The following FRMD3 variants were observed in gnomAD, a reference collection of about 807,000 sequenced individuals.
FRMD3 encodes FERM domain-containing protein 3.
In FRMD3, 33 loss-of-function variants were observed where a neutral mutation model predicts 70.2. That is an observed-to-expected ratio of 0.47 (90% confidence interval 0.36 to 0.63). The LOEUF (loss-of-function observed/expected upper bound fraction) is 0.63. Ranked by LOEUF, FRMD3 falls within the 20% of genes least tolerant of loss-of-function variation. The pLI is 0.00. For synonymous variants in FRMD3, 279 were observed against 255.9 expected (o/e 1.09, Z -0.86); for missense variants, 632 against 711.4 (o/e 0.89, Z 1.27).
chr9:83,521,451 C>T (rs1829569810), intron 1 of FRMD3, among the ~76,000 whole-genome samples: 1 of 152,074 alleles, frequency 6.6e-6, no homozygotes, highest in South Asian at 2.1e-4. Flanking sequence ...GCGCCACTGC[C>T]CTCTAGCCTG....
At chr9:83,351,349 C>CACACACACACAA (rs1400240851) in intron 3 of FRMD3, among the ~76,000 whole-genome samples, 1 of 151,838 alleles carries the variant, frequency 6.6e-6, no homozygotes, top group Non-Finnish European at 1.5e-5. Flanking sequence ...CACACACACA[C>CACACACACACAA]ACACTAGAAC....
intron 1 of FRMD3, among the ~76,000 whole-genome samples, chr9:83,486,935 C>T (rs1828702505): frequency 6.6e-6 from 1 of 152,206 alleles, no homozygotes; most frequent in Non-Finnish European, 1.5e-5. Context: ...CCTGCATTAA[C>T]AGTGACATCT....
intron 6 of FRMD3, among the ~76,000 whole-genome samples, chr9:83,325,489 T>TAA (rs1835976496): frequency 6.6e-6 from 1 of 151,832 alleles, no homozygotes; most frequent in African/African-American, 2.4e-5. Flanking sequence ...TACATCTGGC[T>TAA]AATTTTTGTA....
chr9:83,362,916 C>T (rs1028843895), intron 3 of FRMD3, among the ~76,000 whole-genome samples: 6 of 120,454 alleles, frequency 5.0e-5, no homozygotes, highest in Admixed American at 1.0e-4. Context: ...CCTTTCTTTC[C>T]TCCTTCCTTC....
chr9:83,330,330 AAAAAAAAC>A (rs1465285656), intron 6 of FRMD3, among the ~76,000 whole-genome samples: 2 of 135,954 alleles, frequency 1.5e-5, no homozygotes, highest in Non-Finnish European at 3.3e-5. Flanking sequence ...ATCTCAAAAA[AAAAAAAAC>A]AAAAAAAACA....
At chr9:83,275,257 C>T (rs1302137241) in intron 13 of FRMD3, among the ~76,000 whole-genome samples, 5 of 152,102 alleles carry the variant, frequency 3.3e-5, no homozygotes, top group South Asian at 2.1e-4. Flanking sequence ...CCTGGGATTC[C>T]GACTTCCTTC....
At position 83,248,195 on chromosome 9, in the gene FRMD3, C is replaced by T. The variant is rs777625741; in HGVS notation, c.1517G>A (p.Arg506His). The T allele has an allele frequency of 1.4e-5, 23 of 1,614,196 alleles. No homozygotes were observed. In the Admixed American group the frequency reaches 1.7e-4, roughly 12 times the overall value. ...AATGTCATAGCTCCACGACAAAGCA[C>T]GGCGAGCCTCCTTCAGCTCCTCTTC... ...AEEEELKEAR[R>H]ALSWSYDILT... Residue 506 changes from arginine to histidine, a missense_variant, in exon 14 of 14, where the codon CGT (arginine) becomes CAT (histidine). Coordinates refer to ENST00000304195, the MANE Select transcript of FRMD3 (RefSeq NM_174938.6).
chr9:83,530,031 T>C (rs1313747456), intron 1 of FRMD3, among the ~76,000 whole-genome samples: 3 of 152,208 alleles, frequency 2.0e-5, no homozygotes, highest in Admixed American at 6.5e-5. Flanking sequence ...CCTGCTACAC[T>C]GCTGGTGGGA....
At chr9:83,478,771 T>G (rs1419161819) in intron 1 of FRMD3, among the ~76,000 whole-genome samples, 1 of 152,092 alleles carries the variant, frequency 6.6e-6, no homozygotes, top group Non-Finnish European at 1.5e-5. Flanking sequence ...GCAAATAAAT[T>G]TCAAAATGTG....
At chr9:83,257,756 C>T (rs1212523234) in intron 13 of FRMD3, among the ~76,000 whole-genome samples, 1 of 152,072 alleles carries the variant, frequency 6.6e-6, no homozygotes, top group African/African-American at 2.4e-5. Context: ...ATCTGAGAAG[C>T]CTCCTGAATA....
chr9:83,362,613 A>T lies in FRMD3; in HGVS notation c.295+10300T>A, dbSNP rs539316301. 5.3e-5 allele frequency among the ~76,000 whole-genome samples: 8 copies of T among 152,356 alleles called. No homozygotes were observed. In the East Asian group the frequency reaches 1.5e-3, roughly 29 times the overall value. On this transcript the variant is annotated intron_variant, in intron 3 of 13. Transcript: ENST00000304195. ...AGGATCTTAACTACCTTGCTGTGCT[A>T]ATCAGGCCTCAGACAGGCACCAGCC...
At chr9:83,428,510 C>T (rs1455509467) in intron 1 of FRMD3, among the ~76,000 whole-genome samples, 1 of 79,080 alleles carries the variant, frequency 1.3e-5, no homozygotes, top group Admixed American at 1.2e-4. Context: ...ACATATAAAC[C>T]ACACACACAC....
At chr9:83,467,688 G>A in intron 1 of FRMD3, 1 of 1,534,994 alleles carries the variant, frequency 6.5e-7, no homozygotes, top group Non-Finnish European at 8.7e-7. Context: ...GCCGTGATCT[G>A]CTAGTGCCTT....
In FRMD3 at chr9:83,324,629, T is replaced by C. The variant is rs141468159; in HGVS notation, c.597-10882A>G. 2.8e-3 allele frequency among the ~76,000 whole-genome samples: 431 copies of C among 152,310 alleles called. 2 individuals are homozygous for C. The highest frequency in any genetic ancestry group is 9.7e-3 in the African/African-American group (404 of 41,556). ...GGGTATTTATTGATCAAGAGGATAA[T>C]AGATACATATGCAGAGCTATCTTGT... On this transcript the variant is annotated intron_variant, in intron 6 of 13. Transcript: ENST00000304195.
chr9:83,372,922 G>T lies in FRMD3; in HGVS notation c.286C>A (p.Gln96Lys). The change falls in exon 3 of 14, where the codon CAA becomes AAA. Residue 96 changes from glutamine to lysine, a missense_variant. This residue lies in a region of FRMD3 where 208 missense variants were observed against 247.7 expected (regional missense o/e 0.84). Coordinates refer to ENST00000304195, the MANE Select transcript of FRMD3 (RefSeq NM_174938.6). ...WLEPNKSIFK[Q>K]MKTHPPYTMC... ...ACAGATTGACACTTACTTTTCATTT[G>T]CTTGAAGATGGACTTGTTAGGTTCA... 1 of 1,612,516 alleles carries T rather than the reference G, an allele frequency of 6.2e-7. No homozygotes were observed. Among genetic ancestry groups the T allele is most frequent in the Non-Finnish European group, 8.5e-7 (1 of 1,179,110 alleles).
chr9:83,522,566 A>AT (rs370993005), intron 1 of FRMD3, among the ~76,000 whole-genome samples: 62,786 of 138,684 alleles, frequency 0.45, 14,689 homozygotes, highest in Middle Eastern at 0.49. Context: ...TATATATATA[A>AT]TTTTTTTTTT....
chr9:83,452,460 T>G (rs1441381148), intron 1 of FRMD3, among the ~76,000 whole-genome samples: 2 of 119,470 alleles, frequency 1.7e-5, no homozygotes, highest in Non-Finnish European at 3.5e-5. Flanking sequence ...CCGTATGAAC[T>G]AATGCTTGAG....
chr9:83,350,356 T>G (rs10125561), intron 3 of FRMD3, among the ~76,000 whole-genome samples: 109,422 of 151,814 alleles, frequency 0.72, 39,643 homozygotes, highest in Admixed American at 0.75. Flanking sequence ...GGTCGTGGTG[T>G]CTCACGCCTG....
Position 83,247,544 on chromosome 9 carries a change from G to T in FRMD3, c.*374C>A. 1.0e-6 allele frequency: 1 copy of T among 996,678 alleles called. No individual in the cohort carries two copies. The highest frequency in any genetic ancestry group is 1.2e-6 in the Non-Finnish European group (1 of 835,842). 61.7% of individuals were successfully genotyped at this position (996,678 alleles called of 1,614,324 possible). A position where few individuals can be genotyped will look rare whatever the true frequency, so the allele number is the denominator to read the frequency against. ...ATATTCAACAACTTTCTCTTGAGTTGTTACTAAAATTCTGATTCTGAACCT... is the reference window on the plus strand; with the variant it reads ...ATATTCAACAACTTTCTCTTGAGTTTTTACTAAAATTCTGATTCTGAACCT... On this transcript the variant is annotated 3_prime_UTR_variant, in exon 14 of 14. Coordinates refer to ENST00000304195, the MANE Select transcript of FRMD3 (RefSeq NM_174938.6).
Sources: gnomAD v4.1 joint callset for allele counts (sites outside exome capture counted in the v4.1 genomes callset) on GRCh38, gnomAD v4.1.1 for gene constraint, gnomAD v4.1.1 regional missense constraint, MANE v1.5 for transcripts, NCBI Gene and HGNC (gene_info 2026-07-23, HGNC 2026-07-21) for gene names.